SH3PXD2B: variants seen among roughly 807,000 people sequenced by gnomAD.
The protein encoded by SH3PXD2B is SH3 and PX domain-containing protein 2B.
SH3PXD2B carries 37 observed loss-of-function variants against 73.1 expected under a neutral mutation model. That is an observed-to-expected ratio of 0.51 (90% CI 0.39 to 0.67). SH3PXD2B has a LOEUF of 0.67. Among genes scored for constraint, SH3PXD2B ranks in the 30% least tolerant of loss-of-function variants. SH3PXD2B has a pLI of 0.00. For missense variants in SH3PXD2B, 1,053 were observed against 1,197.8 expected (o/e 0.88, Z 1.78); for synonymous variants, 457 against 480.5 (o/e 0.95, Z 0.64).
Position 172,334,066 on chromosome 5 carries a change from G to A in SH3PXD2B, c.*4303C>T. 8.7e-7 allele frequency: 1 copy of A among 1,149,912 alleles called. No individual in the cohort carries two copies. The highest frequency in any genetic ancestry group is 1.8e-5 in the South Asian group (1 of 55,544). The allele number at this position is 1,149,912 out of a possible 1,614,324, so 71.2% of individuals were successfully genotyped here. ...GTGGCACTGCGTTTGGCCTCTTTGAGGACAGAAGAGGTTGAGCCCCTCATC... is the reference window on the plus strand; with the variant it reads ...GTGGCACTGCGTTTGGCCTCTTTGAAGACAGAAGAGGTTGAGCCCCTCATC... On this transcript the variant is annotated 3_prime_UTR_variant, in exon 13 of 13. Coordinates refer to ENST00000311601, the MANE Select transcript of SH3PXD2B (RefSeq NM_001017995.3).
intron 1 of SH3PXD2B, among the ~76,000 whole-genome samples, chr5:172,434,819 T>A (rs1310717286): frequency 2.2e-5 from 3 of 138,318 alleles, no homozygotes; most frequent in Non-Finnish European, 4.6e-5. Flanking sequence ...AGTCTCGTTC[T>A]CTTGCCCAGG....
chr5:172,334,780 CT>C lies in SH3PXD2B; in HGVS notation c.*3588del. On this transcript the variant is annotated 3_prime_UTR_variant, in exon 13 of 13. Coordinates refer to ENST00000311601, the MANE Select transcript of SH3PXD2B (RefSeq NM_001017995.3). ...AATACCAGACTGTCCACTCCTCAGC[CT>C]AAGGTCCTTCTCAAGTCCTGGCACA... 1.0e-6 allele frequency: 1 copy of C among 985,454 alleles called. No individual in the cohort carries two copies. The highest frequency in any genetic ancestry group is 1.2e-6 in the Non-Finnish European group (1 of 829,956). The allele number at this position is 985,454 out of a possible 1,614,324, so 61.0% of individuals were successfully genotyped here.
chr5:172,333,432 C>T (rs1346468492), downstream of SH3PXD2B: 4 of 981,302 alleles, frequency 4.1e-6, no homozygotes, highest in African/African-American at 1.8e-5. Context: ...TCTTTGATCC[C>T]GAAGATCCCA....
Position 172,353,367 on chromosome 5 carries a change from G to A in SH3PXD2B, c.785+521C>T, listed in dbSNP as rs942685097. Reference sequence around the variant, plus strand: ...AAACCAGGCAAGGCAGGACGAGCTGGCCACCCTGCCTGCCTGGGAGGCTCT... The same window carrying A: ...AAACCAGGCAAGGCAGGACGAGCTGACCACCCTGCCTGCCTGGGAGGCTCT... On this transcript the variant is annotated intron_variant, in intron 9 of 12. Coordinates refer to ENST00000311601, the MANE Select transcript of SH3PXD2B (RefSeq NM_001017995.3). The surrounding 1 kb of genome is among the most constrained non-coding windows in gnomAD (Gnocchi z 4.3). Among the ~76,000 whole-genome samples the A allele has an allele frequency of 6.6e-6, 1 of 152,202 alleles. No individual in the cohort carries two copies. Among genetic ancestry groups the A allele is most frequent in the Admixed American group, 6.5e-5 (1 of 15,288 alleles).
At chr5:172,330,736 A>G (rs1756537752), downstream of SH3PXD2B, among the ~76,000 whole-genome samples, 1 of 152,252 alleles carries the variant, frequency 6.6e-6, no homozygotes, top group Non-Finnish European at 1.5e-5. Context: ...TCAGATGCCC[A>G]AGTTCATCCT....
intron 5 of SH3PXD2B, among the ~76,000 whole-genome samples, chr5:172,381,294 C>T (rs778254163): frequency 2.0e-5 from 3 of 152,224 alleles, no homozygotes; most frequent in South Asian, 2.1e-4. Context: ...AAACTCTGCC[C>T]GCTCTTGCTC....
At chr5:172,420,196 C>T (rs1353483726) in intron 2 of SH3PXD2B, among the ~76,000 whole-genome samples, 2 of 152,226 alleles carry the variant, frequency 1.3e-5, no homozygotes, top group Non-Finnish European at 2.9e-5. Flanking sequence ...TAACTTATAG[C>T]TGCTTTGTTT....
chr5:172,342,553 A>G (rs1756881696), intron 12 of SH3PXD2B, among the ~76,000 whole-genome samples: 2 of 152,154 alleles, frequency 1.3e-5, no homozygotes, highest in Non-Finnish European at 2.9e-5. Flanking sequence ...CTGGGTCAGG[A>G]GTTTGAGACC....
intron 10 of SH3PXD2B, among the ~76,000 whole-genome samples, chr5:172,348,513 G>A (rs1757045593): frequency 6.6e-6 from 1 of 152,106 alleles, no homozygotes; most frequent in Non-Finnish European, 1.5e-5. Flanking sequence ...CATATACACA[G>A]ACTGTTTTGT....
rs1234696275 is a variant in SH3PXD2B at position 172,333,777 on chromosome 5, G to A, written c.*4592C>T. The A allele has an allele frequency of 2.3e-6, 3 of 1,289,014 alleles. No individual in the cohort carries two copies. The highest frequency in any genetic ancestry group is 2.1e-4 in the Middle Eastern group (1 of 4,714). The allele number at this position is 1,289,014 out of a possible 1,614,324, so 79.8% of individuals were successfully genotyped here. On this transcript the variant is annotated 3_prime_UTR_variant, in exon 13 of 13. Coordinates refer to ENST00000311601, the MANE Select transcript of SH3PXD2B (RefSeq NM_001017995.3). ...GGGCAGTGCCCACTGTTCCTGGAGG[G>A]AGGTAAGAAATGGCCTGTTACTTGG...
chr5:172,362,804 T>G lies in SH3PXD2B; in HGVS notation c.493A>C (p.Lys165Gln). The G allele has an allele frequency of 6.2e-7, 1 of 1,614,124 alleles. No homozygotes were observed. ...EQYVVVANYQ[K>Q]QESSEISLSV... ...AGGCTGATCTCCGAACTCTCCTGCT[T>G]CTGGTAGTTGGCTACCACCACATAC... The change falls in exon 7 of 13, where the codon AAG becomes CAG. Residue 165 changes from lysine (K) to glutamine (Q), a missense_variant. By Grantham distance (53) the Lys-to-Gln change is moderately conservative. Transcript: ENST00000311601.
At chr5:172,391,746 T>C (rs1014179453) in intron 4 of SH3PXD2B, among the ~76,000 whole-genome samples, 5 of 152,240 alleles carry the variant, frequency 3.3e-5, no homozygotes, top group Non-Finnish European at 5.9e-5. Context: ...GCTGGAATTA[T>C]AGGCATGAGC....
Position 172,339,066 on chromosome 5 carries a change from A to G in SH3PXD2B, c.2039T>C (p.Leu680Ser). ...TGCCTGGGGGCCCTCCCCATCCAAC[A>G]AGGACTTGTCTTGGGACTTGGCAGG... ...LRPAKSQDKS[L>S]LDGEGPQAVG... The change falls in exon 13 of 13, where the codon TTG becomes TCG. Residue 680 changes from leucine (L) to serine (S), a missense_variant. Around this residue, in one of 2 missense-constraint regions of SH3PXD2B, gnomAD observed 587 missense variants for 590.7 expected, o/e 0.99. Transcript: ENST00000311601. The surrounding 1 kb of genome is among the most constrained non-coding windows in gnomAD (Gnocchi z 6.1). 6.2e-7 allele frequency: 1 copy of G among 1,614,086 alleles called. No individual in the cohort carries two copies.
intron 1 of SH3PXD2B, among the ~76,000 whole-genome samples, chr5:172,430,801 A>G (rs1759218048): frequency 6.6e-6 from 1 of 152,198 alleles, no homozygotes; most frequent in Non-Finnish European, 1.5e-5. Context: ...CACTTTGAAA[A>G]GGCAGGAAAG....
Position 172,373,222 on chromosome 5 carries a change from C to T in SH3PXD2B, c.427+568G>A, listed in dbSNP as rs758312927. Among the ~76,000 whole-genome samples the T allele has an allele frequency of 9.8e-5, 15 of 152,318 alleles. No homozygotes were observed. In the South Asian group the frequency reaches 1.5e-3, roughly 15 times the overall value. On this transcript the variant is annotated intron_variant, in intron 6 of 12. Coordinates refer to ENST00000311601, the MANE Select transcript of SH3PXD2B (RefSeq NM_001017995.3). Reference sequence around the variant, plus strand: ...TCAAATGGACATGGCCCAAATCTACCGCACATTCCTGCTTCCCAGCCTGTG... The same window carrying T: ...TCAAATGGACATGGCCCAAATCTACTGCACATTCCTGCTTCCCAGCCTGTG...
chr5:172,346,103 A>G, intron 12 of SH3PXD2B, 33 bp downstream of exon 12: 1 of 1,613,732 alleles, frequency 6.2e-7, no homozygotes, highest in Non-Finnish European at 8.5e-7. Flanking sequence ...ATCAGGAATC[A>G]CAAGTAGGCA....
chr5:172,364,675 C>CCCAAAAAAA (rs1202541221), intron 6 of SH3PXD2B, among the ~76,000 whole-genome samples: 7 of 151,054 alleles, frequency 4.6e-5, no homozygotes, highest in Non-Finnish European at 8.9e-5. Context: ...CCGCTCCCCG[C>CCCAAAAAAA]CCAAAAAAAC....
chr5:172,453,635 C>A (rs983521246), intron 1 of SH3PXD2B, among the ~76,000 whole-genome samples: 1 of 152,242 alleles, frequency 6.6e-6, no homozygotes, highest in African/African-American at 2.4e-5. Context: ...AAACAAGATT[C>A]CCATGTTCCA....
chr5:172,436,713 C>T (rs894588603), intron 1 of SH3PXD2B, among the ~76,000 whole-genome samples: 3 of 152,186 alleles, frequency 2.0e-5, no homozygotes, highest in African/African-American at 4.8e-5. Context: ...ATGCAGTGCA[C>T]GGAGGGGCTA....
Sources: allele counts gnomAD v4.1 joint callset (sites outside exome capture counted in the v4.1 genomes callset), GRCh38; gene constraint gnomAD v4.1.1; regional missense constraint gnomAD v4.1.1; non-coding constraint Gnocchi (gnomAD v3.1); transcripts MANE v1.5; gene names NCBI Gene and HGNC (gene_info 2026-07-23, HGNC 2026-07-21).